FOCAD: variants seen among roughly 807,000 people sequenced by gnomAD.
FOCAD encodes the protein focadhesin.
A neutral mutation model predicts 225.6 loss-of-function variants in FOCAD; 198 were observed. The observed-to-expected ratio is 0.88, with a 90% CI of 0.78 to 0.99. The LOEUF (loss-of-function observed/expected upper bound fraction) is 0.99. Among genes scored for constraint, FOCAD ranks in the 50% least tolerant of loss-of-function variants. The pLI is 0.00. For synonymous variants in FOCAD, 897 were observed against 755.0 expected, an observed-to-expected ratio of 1.19 and a Z score of -3.08; for missense variants, 2,713 against 2,123.6, an observed-to-expected ratio of 1.28 and a Z score of -5.46.
chr9:20,714,302 A>G (rs1344951714), intron 1 of FOCAD, among the ~76,000 whole-genome samples: 1 of 152,220 alleles, frequency 6.6e-6, no homozygotes, highest in Non-Finnish European at 1.5e-5. Context: ...TTTTCAGATT[A>G]GGGTTGCTCA....
chr9:20,838,541 C>T (rs1053475647), intron 15 of FOCAD, among the ~76,000 whole-genome samples: 2 of 152,058 alleles, frequency 1.3e-5, no homozygotes, highest in African/African-American at 4.8e-5. Context: ...AAAGTGATGT[C>T]ATTGACCTTA....
intron 35 of FOCAD, among the ~76,000 whole-genome samples, chr9:20,957,884 T>G (rs1399491589): frequency 6.6e-6 from 1 of 151,926 alleles, no homozygotes; most frequent in Non-Finnish European, 1.5e-5. Context: ...CTCAGTAATG[T>G]AGTGAGCAGG....
chr9:20,701,946 A>T (rs1055505479), intron 1 of FOCAD, among the ~76,000 whole-genome samples: 3 of 152,204 alleles, frequency 2.0e-5, no homozygotes. Context: ...ATTTCCTGAG[A>T]TGCAGCAAAA....
At chr9:20,904,629 A>G (rs72703970) in intron 21 of FOCAD, among the ~76,000 whole-genome samples, 3,430 of 152,060 alleles carry the variant, frequency 0.023, 60 homozygotes, top group Middle Eastern at 0.031. Context: ...TCCCTAAGCC[A>G]TAGGACTGTT....
intron 35 of FOCAD, among the ~76,000 whole-genome samples, chr9:20,961,734 A>T (rs1448975821): frequency 1.3e-5 from 2 of 152,170 alleles, no homozygotes; most frequent in Non-Finnish European, 2.9e-5. Flanking sequence ...TCATTTGCCC[A>T]ATCCTCCTGG....
chr9:20,987,499 C>G (rs963947116), intron 40 of FOCAD, among the ~76,000 whole-genome samples: 1 of 150,666 alleles, frequency 6.6e-6, no homozygotes, highest in African/African-American at 2.4e-5. Context: ...CAGAGCGAGA[C>G]TGCATCTTGA....
At chr9:20,714,667 C>CGTTG (rs1825178160) in intron 1 of FOCAD, among the ~76,000 whole-genome samples, 2 of 147,908 alleles carry the variant, frequency 1.4e-5, no homozygotes, top group Admixed American at 1.3e-4. Flanking sequence ...TTCCTTCCTT[C>CGTTG]CTTCCTTCCT....
At chr9:20,673,272 C>T (rs1822130420) in intron 2 of FOCAD, among the ~76,000 whole-genome samples, 2 of 152,148 alleles carry the variant, frequency 1.3e-5, no homozygotes, top group South Asian at 2.1e-4. Flanking sequence ...TTTAATTTCT[C>T]TAGGATATAT....
chr9:20,933,992 C>T (rs1476086721), intron 28 of FOCAD, among the ~76,000 whole-genome samples: 1 of 151,860 alleles, frequency 6.6e-6, no homozygotes, highest in East Asian at 1.9e-4. Flanking sequence ...ATTTGTTGGT[C>T]ATTTGTATAT....
intron 2 of FOCAD, among the ~76,000 whole-genome samples, chr9:20,670,083 A>G (rs1180167621): frequency 6.6e-6 from 1 of 152,238 alleles, no homozygotes; most frequent in Non-Finnish European, 1.5e-5. Context: ...CATGGTGTTT[A>G]TTAGAGCACT....
At chr9:20,737,241 A>G (rs1366140108) in intron 4 of FOCAD, among the ~76,000 whole-genome samples, 2 of 152,208 alleles carry the variant, frequency 1.3e-5, no homozygotes, top group African/African-American at 4.8e-5. Context: ...TTAAAAGTAA[A>G]TGTGATGTCT....
intron 15 of FOCAD, among the ~76,000 whole-genome samples, chr9:20,837,526 G>A (rs1826107059): frequency 6.6e-6 from 1 of 151,838 alleles, no homozygotes; most frequent in Admixed American, 6.6e-5. Flanking sequence ...ACTGGTTTAA[G>A]CTTATATAAT....
chr9:20,778,806 A>G (rs971976934), intron 9 of FOCAD, 38 bp downstream of exon 9: 3 of 1,184,376 alleles, frequency 2.5e-6, no homozygotes, highest in Non-Finnish European at 3.8e-6. Context: ...AAATGTAAAT[A>G]TAACATGAGT....
At chr9:20,821,161 A>C (rs117916740) in intron 14 of FOCAD, 90 bp downstream of exon 14, 13 of 1,290,674 alleles carry the variant, frequency 1.0e-5, no homozygotes, top group Non-Finnish European at 9.5e-6. Flanking sequence ...AAGAAAAGAT[A>C]GGCAGAGGAT....
chr9:20,815,137 G>GTT (rs71334555), intron 11 of FOCAD, among the ~76,000 whole-genome samples: 10 of 69,142 alleles, frequency 1.4e-4, no homozygotes, highest in African/African-American at 1.8e-4. Context: ...TTTTTTTTTT[G>GTT]TTTTTTTTTT....
rs772303153 is a variant in FOCAD at position 20,951,062 on chromosome 9, C to G, written c.4015C>G (p.Leu1339Val). 1 of 1,613,614 alleles carries G rather than the reference C, an allele frequency of 6.2e-7. No individual in the cohort carries two copies. The highest frequency in any genetic ancestry group is 1.1e-5 in the South Asian group (1 of 91,056). ...AGTCTGGCTTCTTGGACATCTTCAT[C>G]TATCTACTCTATCCTCAAGTCAAAG... is the stretch of plus-strand genomic sequence containing the variant. ...NAVWLLGHLH[L>V]STLSSSQSRA... The change falls in exon 34 of 44, where the codon CTA becomes GTA. Residue 1339 changes from leucine to valine, a missense_variant. Physicochemically the swap from Leu to Val is conservative, Grantham distance 32. Coordinates refer to ENST00000338382, the MANE Select transcript of FOCAD (RefSeq NM_001375567.1).
intron 2 of FOCAD, among the ~76,000 whole-genome samples, chr9:20,669,919 A>G (rs1822008995): frequency 6.6e-6 from 1 of 152,240 alleles, no homozygotes; most frequent in Admixed American, 6.5e-5. Context: ...TCATATACTC[A>G]TGAAGCCCAG....
At chr9:20,664,285 T>C (rs1159355654) in intron 2 of FOCAD, among the ~76,000 whole-genome samples, 1 of 149,700 alleles carries the variant, frequency 6.7e-6, no homozygotes, top group Non-Finnish European at 1.5e-5. Flanking sequence ...ATCTGACATA[T>C]TGACTAAGTG....
At chr9:20,701,947 T>A (rs1823990690) in intron 1 of FOCAD, among the ~76,000 whole-genome samples, 1 of 152,202 alleles carries the variant, frequency 6.6e-6, no homozygotes, top group Admixed American at 6.5e-5. Context: ...TTTCCTGAGA[T>A]GCAGCAAAAT....
Sources: gnomAD v4.1 joint callset for allele counts (sites outside exome capture counted in the v4.1 genomes callset) on GRCh38, gnomAD v4.1.1 for gene constraint, MANE v1.5 for transcripts, NCBI Gene and HGNC (gene_info 2026-07-23, HGNC 2026-07-21) for gene names.